GALNT18: variants seen among roughly 807,000 people sequenced by gnomAD.
GALNT18 encodes polypeptide N-acetylgalactosaminyltransferase 18.
In GALNT18, 44 loss-of-function variants were observed where a neutral mutation model predicts 69.5. The observed-to-expected ratio is 0.63, with a 90% confidence interval of 0.50 to 0.81. GALNT18 has a LOEUF of 0.81. Ranked by LOEUF, GALNT18 falls within the 40% of genes least tolerant of loss-of-function variation. The probability of loss-of-function intolerance (pLI) is 0.00; values close to 1 mark genes in which losing one functional copy is unlikely to be tolerated. For missense variants in GALNT18, 715 were observed against 810.0 expected, an observed-to-expected ratio of 0.88 and a Z score of 1.42; for synonymous variants, 364 against 318.2, an observed-to-expected ratio of 1.14 and a Z score of -1.53.
chr11:11,401,628 T>C (rs1854469507), intron 3 of GALNT18, among the ~76,000 whole-genome samples: 1 of 152,232 alleles, frequency 6.6e-6, no homozygotes, highest in Non-Finnish European at 1.5e-5. Flanking sequence ...GTTGCTCTGA[T>C]CAAACATTTC....
At chr11:11,305,758 G>C (rs1321512352) in intron 9 of GALNT18, among the ~76,000 whole-genome samples, 2 of 152,152 alleles carry the variant, frequency 1.3e-5, no homozygotes, top group Non-Finnish European at 2.9e-5. Flanking sequence ...ACCCCCTTTA[G>C]ATCCCAAGTT....
intron 10 of GALNT18, among the ~76,000 whole-genome samples, chr11:11,288,389 A>C (rs942595241): frequency 6.6e-6 from 1 of 152,094 alleles, no homozygotes; most frequent in Non-Finnish European, 1.5e-5. Flanking sequence ...AACCTTTATG[A>C]TATAAATCAA....
chr11:11,560,154 T>G (rs1296947344), intron 1 of GALNT18, among the ~76,000 whole-genome samples: 4 of 146,376 alleles, frequency 2.7e-5, no homozygotes, highest in Non-Finnish European at 4.5e-5. Flanking sequence ...TGGGATATGA[T>G]GGGATGTATG....
intron 3 of GALNT18, 72 bp from the exon 4 acceptor site, chr11:11,379,336 C>T: frequency 1.4e-6 from 2 of 1,426,890 alleles, no homozygotes; most frequent in Non-Finnish European, 1.9e-6. Flanking sequence ...ACAACAGTCA[C>T]TCTTTTAGTG....
intron 1 of GALNT18, among the ~76,000 whole-genome samples, chr11:11,578,104 C>T (rs10765867): frequency 0.38 from 58,010 of 152,012 alleles, 12,862 homozygotes; most frequent in East Asian, 0.65. Flanking sequence ...CACAGGCACA[C>T]GAGCCTCAGC....
Position 11,500,370 on chromosome 11 carries a change from C to T in GALNT18, c.236-51434G>A, listed in dbSNP as rs1053033787. Among the ~76,000 whole-genome samples the T allele has an allele frequency of 1.3e-5, 2 of 152,200 alleles. No individual in the cohort carries two copies. The highest frequency in any genetic ancestry group is 2.9e-5 in the Non-Finnish European group (2 of 68,040). On this transcript the variant is annotated intron_variant, in intron 1 of 10. Transcript: ENST00000227756. The surrounding 1 kb of genome is among the most constrained non-coding windows in gnomAD (Gnocchi z 5.0). ...GAGTGGCTTTAGGTACATGTCTGAACCTTTCTGAGGCTTCATTTCCTCACA... is the reference window on the plus strand; with the variant it reads ...GAGTGGCTTTAGGTACATGTCTGAATCTTTCTGAGGCTTCATTTCCTCACA...
rs182617006 is a variant in GALNT18 at position 11,463,256 on chromosome 11, G to T, written c.236-14320C>A. On this transcript the variant is annotated intron_variant, in intron 1 of 10. Transcript: ENST00000227756. This position sits in a 1 kb window ranked among gnomAD's most constrained non-coding sequence, Gnocchi z 4.2. ...GAGAGAGAGAGAGTTCCAGAAGCCC[G>T]CAGCAGCCTACAAAAGCTCATCCTG... 1.7e-4 allele frequency among the ~76,000 whole-genome samples: 26 copies of T among 151,914 alleles called. No individual in the cohort carries two copies. Among genetic ancestry groups the T allele is most frequent in the African/African-American group, 5.6e-4 (23 of 41,400 alleles).
intron 10 of GALNT18, among the ~76,000 whole-genome samples, chr11:11,274,512 G>T (rs913583159): frequency 6.6e-6 from 1 of 152,164 alleles, no homozygotes; most frequent in Admixed American, 6.5e-5. Context: ...TTGGGTGAGG[G>T]ACATCCGCCA....
rs1307318246 is a variant in GALNT18 at position 11,587,931 on chromosome 11, G to A, written c.235+33428C>T. Among the ~76,000 whole-genome samples the A allele has an allele frequency of 2.0e-5, 3 of 152,114 alleles. No individual in the cohort carries two copies. The highest frequency in any genetic ancestry group is 2.4e-5 in the African/African-American group (1 of 41,428). On this transcript the variant is annotated intron_variant, in intron 1 of 10. Transcript: ENST00000227756. The surrounding 1 kb of genome is among the most constrained non-coding windows in gnomAD (Gnocchi z 4.4). Reference sequence around the variant, plus strand: ...GCCTTTCTACTAATTCACTAAGAGTGGCATGTCTCTACCAATAAATTACAA... The same window carrying A: ...GCCTTTCTACTAATTCACTAAGAGTAGCATGTCTCTACCAATAAATTACAA...
chr11:11,407,282 G>A (rs1160495314), intron 3 of GALNT18, among the ~76,000 whole-genome samples: 1 of 152,220 alleles, frequency 6.6e-6, no homozygotes, highest in Non-Finnish European at 1.5e-5. Context: ...TTGCAATCGT[G>A]TGGCTTTCTG....
At chr11:11,417,574 G>C (rs1403610604) in intron 3 of GALNT18, among the ~76,000 whole-genome samples, 1 of 152,204 alleles carries the variant, frequency 6.6e-6, no homozygotes, top group Non-Finnish European at 1.5e-5. Flanking sequence ...AAACTTGCCA[G>C]TCCTGCAGGC....
At chr11:11,554,468 T>C (rs777309131) in intron 1 of GALNT18, among the ~76,000 whole-genome samples, 1 of 150,912 alleles carries the variant, frequency 6.6e-6, no homozygotes, top group African/African-American at 2.4e-5. Flanking sequence ...TGTCAGCAAG[T>C]GTTACTTGAA....
In GALNT18 at chr11:11,358,872, T is replaced by C. The variant is rs142521903; in HGVS notation, c.1092+13643A>G. Among the ~76,000 whole-genome samples the C allele has an allele frequency of 7.5e-4, 61 of 80,948 alleles. 17 individuals are homozygous for C. Among genetic ancestry groups the C allele is most frequent in the Non-Finnish European group, 1.5e-3 (52 of 34,916 alleles). The allele number at this position is 80,948 out of a possible 152,430, so 53.1% of individuals were successfully genotyped here. On this transcript the variant is annotated intron_variant, in intron 6 of 10. Transcript: ENST00000227756. ...ACACACACACACACACGCACAGACA[T>C]GTTATCCCAAGCTCTCGGGTTATTC...
In GALNT18 at chr11:11,356,309, C is replaced by G. The variant is rs775599089; in HGVS notation, c.1093-15305G>C. Among the ~76,000 whole-genome samples the G allele has an allele frequency of 1.3e-5, 2 of 152,110 alleles. No individual in the cohort carries two copies. Among genetic ancestry groups the G allele is most frequent in the Non-Finnish European group, 2.9e-5 (2 of 68,028 alleles). ...TCTGGCCTTGCTTGGTGGTCTCTTC[C>G]AGGAAAACTAGAATAACAATGTAAT... On this transcript the variant is annotated intron_variant, in intron 6 of 10. Coordinates refer to ENST00000227756, the MANE Select transcript of GALNT18 (RefSeq NM_198516.3). This position sits in a 1 kb window ranked among gnomAD's most constrained non-coding sequence, Gnocchi z 4.4.
intron 1 of GALNT18, among the ~76,000 whole-genome samples, chr11:11,612,495 C>T (rs967977003): frequency 6.6e-6 from 1 of 152,218 alleles, no homozygotes; most frequent in African/African-American, 2.4e-5. Flanking sequence ...GTACTGTTCT[C>T]CTAAATCCCC....
rs1228812724 is a variant in GALNT18 at position 11,562,898 on chromosome 11, C to T, written c.235+58461G>A. Among the ~76,000 whole-genome samples the T allele has an allele frequency of 1.3e-5, 2 of 152,164 alleles. No individual in the cohort carries two copies. The highest frequency in any genetic ancestry group is 1.9e-4 in the East Asian group (1 of 5,204). On this transcript the variant is annotated intron_variant, in intron 1 of 10. Transcript: ENST00000227756. The surrounding 1 kb of genome is among the most constrained non-coding windows in gnomAD (Gnocchi z 4.1). ...AGGCCTGGGCTTTCCCTTCCCATCACCCTGCCTCAGGCTTCATTCAGCACC... is the reference window on the plus strand; with the variant it reads ...AGGCCTGGGCTTTCCCTTCCCATCATCCTGCCTCAGGCTTCATTCAGCACC...
rs1333370932 is a variant in GALNT18, at chr11:11,497,676, A to C, written c.236-48740T>G. Among the ~76,000 whole-genome samples, 1 of 151,940 alleles carries C rather than the reference A, an allele frequency of 6.6e-6. No homozygotes were observed. Among genetic ancestry groups the C allele is most frequent in the Non-Finnish European group, 1.5e-5 (1 of 68,022 alleles). The stretch of plus-strand genomic sequence containing the variant: ...TCTAACATGGTCAGGAGCAGCTAAT[A>C]GGGTAAGCAAAAAGTTTAAAGCAGG... On this transcript the variant is annotated intron_variant, in intron 1 of 10. Transcript: ENST00000227756. This position sits in a 1 kb window ranked among gnomAD's most constrained non-coding sequence, Gnocchi z 4.2.
At position 11,341,057 on chromosome 11, in the gene GALNT18, C is replaced by T; in HGVS notation, c.1093-53G>A. The T allele has an allele frequency of 5.3e-6, 8 of 1,521,226 alleles. No individual in the cohort carries two copies. Among genetic ancestry groups the T allele is most frequent in the East Asian group, 2.3e-5 (1 of 43,580 alleles). The allele number at this position is 1,521,226 out of a possible 1,614,324, so 94.2% of individuals were successfully genotyped here. ...GAGCCTGCCTGGCTCTGCCTTTCTA[C>T]ACCAGGCCTCAGGCAGCCACTTGAC... is the stretch of plus-strand genomic sequence containing the variant. On this transcript the variant is annotated intron_variant, in intron 6 of 10. Coordinates refer to ENST00000227756, the MANE Select transcript of GALNT18 (RefSeq NM_198516.3). This position sits in a 1 kb window ranked among gnomAD's most constrained non-coding sequence, Gnocchi z 6.3.
intron 1 of GALNT18, among the ~76,000 whole-genome samples, chr11:11,460,068 T>C (rs1856007293): frequency 6.6e-6 from 1 of 152,180 alleles, no homozygotes; most frequent in South Asian, 2.1e-4. Context: ...CAGCCCCTTC[T>C]GCCACATTCA....
Sources: gnomAD v4.1 joint callset for allele counts (sites outside exome capture counted in the v4.1 genomes callset) on GRCh38, gnomAD v4.1.1 for gene constraint, Gnocchi (gnomAD v3.1) non-coding constraint, MANE v1.5 for transcripts, NCBI Gene and HGNC (gene_info 2026-07-23, HGNC 2026-07-21) for gene names.